Variants in SEPTIN10 observed in about 807,000 individuals in gnomAD.
The protein encoded by SEPTIN10 is septin 10, also known as septin-10.
SEPTIN10 carries 66 observed loss-of-function variants against 54.8 expected under a neutral mutation model. The ratio of observed to expected loss-of-function variants is 1.21; its 90% CI spans 0.99 to 1.48. The LOEUF (loss-of-function observed/expected upper bound fraction) is 1.48, where lower values mean the gene tolerates loss of function less well. Ranked by LOEUF, SEPTIN10 falls within the 40% of genes most tolerant of loss-of-function variation. The pLI is 0.00. For synonymous variants in SEPTIN10, 161 were observed against 181.0 expected, an observed-to-expected ratio of 0.89 and a Z score of 0.89; for missense variants, 620 against 545.6, an observed-to-expected ratio of 1.14 and a Z score of -1.36.
rs903912874 is a variant in SEPTIN10, at chr2:109,544,135, C to CCAT, written c.*173_*174insATG. On this transcript the variant is annotated 3_prime_UTR_variant, in exon 11 of 11. Transcript: ENST00000397712. ...CAACTTGTAGTATCATTCACTCTGG[C>CCAT]TTATGTATTGACCTTGTACTTGAAA... 4.6e-6 allele frequency: 7 copies of CCAT among 1,537,458 alleles called. No homozygotes were observed. Among genetic ancestry groups the CCAT allele is most frequent in the Non-Finnish European group, 6.1e-6 (7 of 1,144,908 alleles).
intron 5 of SEPTIN10, among the ~76,000 whole-genome samples, chr2:109,573,070 A>C (rs1214016295): frequency 6.6e-6 from 1 of 152,238 alleles, no homozygotes; most frequent in East Asian, 1.9e-4. Flanking sequence ...TCTATGGCAG[A>C]TAGGCTCTTA....
At chr2:109,595,253 A>G (rs1276973608) in intron 1 of SEPTIN10, among the ~76,000 whole-genome samples, 1 of 152,202 alleles carries the variant, frequency 6.6e-6, no homozygotes, top group Non-Finnish European at 1.5e-5. Flanking sequence ...AGATGCTCCT[A>G]TTTAAAAGCA....
At chr2:109,562,307 C>T (rs1685865346) in intron 8 of SEPTIN10, among the ~76,000 whole-genome samples, 1 of 151,892 alleles carries the variant, frequency 6.6e-6, no homozygotes, top group South Asian at 2.1e-4. Flanking sequence ...TCTTTCACGC[C>T]TCCATCTTCT....
chr2:109,565,438 T>C (rs558604008), intron 7 of SEPTIN10, among the ~76,000 whole-genome samples: 7 of 152,360 alleles, frequency 4.6e-5, no homozygotes, highest in Admixed American at 4.6e-4. Context: ...ATTTATAAGA[T>C]GGTTGACTGT....
Position 109,603,957 on chromosome 2 carries a change from C to T in SEPTIN10, c.30+9841G>A, listed in dbSNP as rs1221273614. ...CGGGCGGATCACGAGGTCAGGAGATCGAGACCATCCTGGCTAACACGGTGA... is the reference window on the plus strand; with the variant it reads ...CGGGCGGATCACGAGGTCAGGAGATTGAGACCATCCTGGCTAACACGGTGA... On this transcript the variant is annotated intron_variant, in intron 1 of 10. Coordinates refer to ENST00000397712, the MANE Select transcript of SEPTIN10 (RefSeq NM_144710.5). Among the ~76,000 whole-genome samples the T allele has an allele frequency of 2.0e-5, 3 of 151,296 alleles. No homozygotes were observed. In the East Asian group the frequency reaches 6.0e-4, roughly 30 times the overall value.
intron 4 of SEPTIN10, among the ~76,000 whole-genome samples, chr2:109,575,808 G>A (rs1024657938): frequency 2.0e-5 from 3 of 152,176 alleles, no homozygotes; most frequent in African/African-American, 4.8e-5. Context: ...TAATAAATGT[G>A]TACAAAATTA....
chr2:109,568,063 T>C, intron 5 of SEPTIN10, 87 bp from the exon 6 acceptor site: 1 of 1,045,282 alleles, frequency 9.6e-7, no homozygotes, highest in Non-Finnish European at 1.4e-6. Flanking sequence ...CTGTTCATTC[T>C]GACAATGAAT....
chr2:109,610,577 G>A (rs1021862006), intron 1 of SEPTIN10, among the ~76,000 whole-genome samples: 3 of 152,160 alleles, frequency 2.0e-5, no homozygotes, highest in South Asian at 2.1e-4. Context: ...TTAGCCGGGC[G>A]TGGTGGCACA....
intron 8 of SEPTIN10, among the ~76,000 whole-genome samples, chr2:109,555,656 A>G (rs775395798): frequency 6.6e-6 from 1 of 152,206 alleles, no homozygotes; most frequent in Non-Finnish European, 1.5e-5. Context: ...GTGATTATCT[A>G]CAGGGCACAT....
chr2:109,599,458 C>CA (rs55670927), intron 1 of SEPTIN10, among the ~76,000 whole-genome samples: 13,268 of 62,782 alleles, frequency 0.21, 900 homozygotes, highest in Non-Finnish European at 0.25. Flanking sequence ...ACTCAGTCTC[C>CA]AAAAAAAAAA....
chr2:109,585,905 G>A, intron 2 of SEPTIN10, 67 bp from the exon 3 acceptor site: 1 of 1,169,180 alleles, frequency 8.6e-7, no homozygotes, highest in Non-Finnish European at 1.3e-6. Context: ...TAGGATGTAG[G>A]CACACTTGAA....
intron 9 of SEPTIN10, among the ~76,000 whole-genome samples, chr2:109,550,709 C>A (rs763981698): frequency 5.3e-5 from 8 of 152,180 alleles, no homozygotes; most frequent in African/African-American, 9.6e-5. Context: ...GTCCCTTCTG[C>A]CCTGCCTGCC....
chr2:109,560,190 G>C (rs1351789190), intron 8 of SEPTIN10, among the ~76,000 whole-genome samples: 2 of 152,162 alleles, frequency 1.3e-5, no homozygotes, highest in African/African-American at 4.8e-5. Flanking sequence ...AAAGTGCTGG[G>C]ATTACAGGCG....
At chr2:109,545,470 G>A (rs538329665) in intron 10 of SEPTIN10, 80 of 1,536,088 alleles carry the variant, frequency 5.2e-5, no homozygotes, top group Middle Eastern at 3.3e-4. Flanking sequence ...CTTTCTCTGC[G>A]TCTTTACGTC....
At chr2:109,569,423 A>C (rs1687839932) in intron 5 of SEPTIN10, among the ~76,000 whole-genome samples, 1 of 147,468 alleles carries the variant, frequency 6.8e-6, no homozygotes, top group Admixed American at 6.9e-5. Context: ...GGGCAACAAG[A>C]GCAAAACTCT....
At chr2:109,602,029 G>A (rs891205466) in intron 1 of SEPTIN10, among the ~76,000 whole-genome samples, 4 of 152,302 alleles carry the variant, frequency 2.6e-5, no homozygotes, top group African/African-American at 9.6e-5. Flanking sequence ...GGAAATGACT[G>A]AAGGATTCAA....
chr2:109,566,470 G>C (rs1687063569), intron 6 of SEPTIN10, among the ~76,000 whole-genome samples: 1 of 152,018 alleles, frequency 6.6e-6, no homozygotes, highest in African/African-American at 2.4e-5. Flanking sequence ...AAAAGACAAA[G>C]ATAATGTTGA....
At chr2:109,585,697 A>C (rs771608031) in intron 3 of SEPTIN10, 24 bp downstream of exon 3, 1 of 1,475,340 alleles carries the variant, frequency 6.8e-7, no homozygotes, top group Admixed American at 1.7e-5. Context: ...GGAACAACTT[A>C]GAGGAAGAGT....
At chr2:109,592,964 A>G (rs1694418262) in intron 2 of SEPTIN10, 87 bp downstream of exon 2, 1 of 805,500 alleles carries the variant, frequency 1.2e-6, no homozygotes, top group Non-Finnish European at 1.8e-6. Flanking sequence ...CTCTATCACA[A>G]GAGTCTATAA....
Sources: allele counts gnomAD v4.1 joint callset (sites outside exome capture counted in the v4.1 genomes callset), GRCh38; gene constraint gnomAD v4.1.1; transcripts MANE v1.5; gene names NCBI Gene and HGNC (gene_info 2026-07-23, HGNC 2026-07-21).